Variants in EPB41L1 observed in about 807,000 individuals in gnomAD.
The protein encoded by EPB41L1 is erythrocyte membrane protein band 4.1 like 1.
EPB41L1 carries 29 observed loss-of-function variants against 97.8 expected under a neutral mutation model. The observed-to-expected ratio is 0.30, with a 90% CI of 0.22 to 0.40. The LOEUF is 0.40. Ranked by LOEUF, EPB41L1 falls within the 10% of genes least tolerant of loss-of-function variation. EPB41L1 has a pLI of 1.00. For synonymous variants in EPB41L1, 383 were observed against 459.2 expected (o/e 0.83, Z 2.12); for missense variants, 812 against 1,162.3 (o/e 0.70, Z 4.38).
At chr20:36,189,827 C>T (rs1314618451) in intron 9 of EPB41L1, among the ~76,000 whole-genome samples, 4 of 152,276 alleles carry the variant, frequency 2.6e-5, no homozygotes, top group South Asian at 4.1e-4. Flanking sequence ...GCACTGGACC[C>T]GTCACAGAGT....
chr20:36,140,833 A>G (rs2059610609), intron 2 of EPB41L1, among the ~76,000 whole-genome samples: 1 of 152,086 alleles, frequency 6.6e-6, no homozygotes, highest in Admixed American at 6.5e-5. Context: ...AGAGAGCCCG[A>G]CTAGCCACCC....
chr20:36,229,147 A>G (rs1360948166), intron 21 of EPB41L1, among the ~76,000 whole-genome samples, 185 bp from the exon 22 acceptor site: 1 of 152,174 alleles, frequency 6.6e-6, no homozygotes, highest in Non-Finnish European at 1.5e-5. Flanking sequence ...AGTAGCTGGG[A>G]TTACAGGTGC....
At chr20:36,168,536 CTTT>C (rs540248862) in intron 1 of EPB41L1, among the ~76,000 whole-genome samples, 1 of 140,784 alleles carries the variant, frequency 7.1e-6, no homozygotes, top group Non-Finnish European at 1.6e-5. Flanking sequence ...ATGTTAAGTG[CTTT>C]TTTTTTTTTT....
intron 1 of EPB41L1, among the ~76,000 whole-genome samples, chr20:36,167,944 C>T (rs1411501609): frequency 2.6e-5 from 4 of 152,130 alleles, no homozygotes; most frequent in Admixed American, 2.0e-4. Context: ...ATCCAAGTTA[C>T]TGGACTCAGA....
intron 9 of EPB41L1, among the ~76,000 whole-genome samples, chr20:36,189,262 A>T (rs146346058): frequency 3.9e-5 from 6 of 152,136 alleles, no homozygotes; most frequent in South Asian, 2.1e-4. Flanking sequence ...CATTTTCCTC[A>T]TAGCTGCTGG....
intron 1 of EPB41L1, among the ~76,000 whole-genome samples, chr20:36,102,380 G>A (rs1205669366): frequency 6.6e-5 from 10 of 152,186 alleles, no homozygotes; most frequent in Admixed American, 6.5e-4. Flanking sequence ...TTGCGCAGTT[G>A]GAGCCTAACG....
At chr20:36,210,002 C>T in intron 15 of EPB41L1, 104 bp downstream of exon 15, 1 of 1,400,042 alleles carries the variant, frequency 7.1e-7, no homozygotes, top group African/African-American at 1.4e-5. Flanking sequence ...CAGCCTGAAG[C>T]TCTGTCTCGT....
At chr20:36,110,055 C>T (rs1016292278) in intron 1 of EPB41L1, among the ~76,000 whole-genome samples, 1 of 151,886 alleles carries the variant, frequency 6.6e-6, no homozygotes, top group African/African-American at 2.4e-5. Flanking sequence ...GATTCTCCTG[C>T]CTTAGCCTCC....
At chr20:36,103,325 C>G (rs971856185) in intron 1 of EPB41L1, among the ~76,000 whole-genome samples, 4 of 152,222 alleles carry the variant, frequency 2.6e-5, no homozygotes, top group African/African-American at 7.2e-5. Context: ...GAATCTGCCT[C>G]CAGCTCTGGG....
chr20:36,177,098 G>A (rs1197716861), intron 3 of EPB41L1, among the ~76,000 whole-genome samples: 1 of 152,116 alleles, frequency 6.6e-6, no homozygotes, highest in Non-Finnish European at 1.5e-5. Context: ...CTCTCTCTCT[G>A]ATGATCTCCA....
At chr20:36,109,954 T>C (rs80348374) in intron 1 of EPB41L1, 2 of 151,950 alleles carry the variant, frequency 1.3e-5, no homozygotes, top group African/African-American at 4.9e-5. Context: ...TTTTTTTTTT[T>C]TCTTGAGACG....
intron 1 of EPB41L1, chr20:36,110,779 C>T (rs2058376561): frequency 1.3e-5 from 2 of 152,296 alleles, no homozygotes; most frequent in African/African-American, 4.8e-5. Flanking sequence ...GCTTTTTCAT[C>T]AAGGAGGCCT....
At chr20:36,166,991 G>A (rs183400050) in intron 1 of EPB41L1, among the ~76,000 whole-genome samples, 2 of 152,204 alleles carry the variant, frequency 1.3e-5, no homozygotes, top group South Asian at 2.1e-4. Context: ...CATTGTGAAT[G>A]TAATTAATGC....
At chr20:36,125,854 T>C (rs748576280) in intron 2 of EPB41L1, among the ~76,000 whole-genome samples, 1 of 152,014 alleles carries the variant, frequency 6.6e-6, no homozygotes, top group Non-Finnish European at 1.5e-5. Flanking sequence ...TGTGGCCTGG[T>C]GAGAAGTGAT....
intron 1 of EPB41L1, among the ~76,000 whole-genome samples, chr20:36,161,682 C>T (rs773750867): frequency 1.6e-4 from 25 of 152,090 alleles, no homozygotes; most frequent in Non-Finnish European, 3.1e-4. Flanking sequence ...ACTGTGTTGG[C>T]CAGGCTGGTC....
At chr20:36,183,917 G>T (rs1302505703) in intron 6 of EPB41L1, among the ~76,000 whole-genome samples, 1 of 152,066 alleles carries the variant, frequency 6.6e-6, no homozygotes, top group East Asian at 1.9e-4. Flanking sequence ...CAAGTAGTAA[G>T]AATTATTTTA....
chr20:36,181,709 C>G (rs1254990440), intron 5 of EPB41L1, among the ~76,000 whole-genome samples: 4 of 152,186 alleles, frequency 2.6e-5, no homozygotes, highest in Non-Finnish European at 5.9e-5. Flanking sequence ...GCATGTTCCC[C>G]TCAGAGAGTT....
chr20:36,212,290 A>G lies in EPB41L1; in HGVS notation c.2098A>G (p.Met700Val), dbSNP rs1277833898. The G allele has an allele frequency of 1.2e-6, 2 of 1,614,202 alleles. No homozygotes were observed. Among genetic ancestry groups the G allele is most frequent in the Admixed American group, 1.7e-5 (1 of 60,022 alleles). The change falls in exon 16 of 22, where the codon ATG becomes GTG. Residue 700 changes from methionine to valine, a missense_variant. Physicochemically the swap from Met to Val is conservative, Grantham distance 21. Coordinates refer to ENST00000338074, the MANE Select transcript of EPB41L1 (RefSeq NM_012156.2). This position sits in a 1 kb window ranked among gnomAD's most constrained non-coding sequence, Gnocchi z 4.8. ...PQFEPVKTETMTVSSLAIRKK... is the reference protein window; with the variant it reads ...PQFEPVKTETVTVSSLAIRKK... ...CCTACAGCCCGTGAAAACAGAAACC[A>G]TGACTGTCAGCAGTCTGGCCATTAG...
intron 5 of EPB41L1, among the ~76,000 whole-genome samples, chr20:36,181,145 G>A (rs2061455140): frequency 6.6e-6 from 1 of 152,232 alleles, no homozygotes; most frequent in Admixed American, 6.5e-5. Context: ...TGGTAGTGAT[G>A]ATGTGGCCTC....
Sources: gnomAD v4.1 joint callset for allele counts (sites outside exome capture counted in the v4.1 genomes callset) on GRCh38, gnomAD v4.1.1 for gene constraint, Gnocchi (gnomAD v3.1) non-coding constraint, MANE v1.5 for transcripts, NCBI Gene and HGNC (gene_info 2026-07-23, HGNC 2026-07-21) for gene names.